The following ANKAR variants were observed in gnomAD, a reference collection of about 807,000 sequenced individuals.
ANKAR encodes the protein ankyrin and armadillo repeat-containing protein.
In ANKAR, 136 loss-of-function variants were observed where a neutral mutation model predicts 146.2. That is an observed-to-expected ratio of 0.93 (90% CI 0.81 to 1.07). The LOEUF is 1.07. Among genes scored for constraint, ANKAR ranks in the 50% least tolerant of loss-of-function variants. ANKAR has a pLI of 0.00. For synonymous variants in ANKAR, 500 were observed against 575.8 expected, an observed-to-expected ratio of 0.87 and a Z score of 1.88; for missense variants, 1,567 against 1,679.9, an observed-to-expected ratio of 0.93 and a Z score of 1.18.
rs748469653 is a variant in ANKAR, at chr2:189,695,177, CCA to C, written c.1488+19_1488+20del. ...GAAATGCAAGGTATTTCAGTGACTA[CCA>C]CATAATTTAGTATATGAAGTTATGT... is the stretch of plus-strand genomic sequence containing the variant. On this transcript the variant is annotated intron_variant, in intron 6 of 22. Coordinates refer to ENST00000684021, the MANE Select transcript of ANKAR (RefSeq NM_001378068.1). 4 of 1,569,502 alleles carry C rather than the reference CCA, an allele frequency of 2.5e-6. No individual in the cohort carries two copies. In the African/African-American group the frequency reaches 4.1e-5, roughly 16 times the overall value.
rs140152515 is a variant in ANKAR at position 189,733,116 on chromosome 2, G to T, written c.3310G>T (p.Ala1104Ser). ...HPSPNIKVEVAFSLACIVLGN... is the reference protein window; with the variant it reads ...HPSPNIKVEVSFSLACIVLGN... ...AAAACCACATGTTTAGGTTGAAGTG[G>T]CATTTTCCTTGGCATGCATTGTCCT... The change falls in exon 17 of 23, where the codon GCA becomes TCA. Residue 1104 changes from alanine (A) to serine (S), a missense_variant. By Grantham distance (99) the Ala-to-Ser change is moderately conservative (BLOSUM62 1). Coordinates refer to ENST00000684021, the MANE Select transcript of ANKAR (RefSeq NM_001378068.1). 2.5e-6 allele frequency: 4 copies of T among 1,601,326 alleles called. No individual in the cohort carries two copies. Among genetic ancestry groups the T allele is most frequent in the Non-Finnish European group, 3.4e-6 (4 of 1,175,996 alleles).
In ANKAR at chr2:189,733,135, T is replaced by C; in HGVS notation, c.3329T>C (p.Ile1110Thr). ...KVEVAFSLAC[I>T]VLGNDVLQKD... ...GAAGTGGCATTTTCCTTGGCATGCATTGTCCTAGGGAATGATGTGTTACAG... is the reference window on the plus strand; with the variant it reads ...GAAGTGGCATTTTCCTTGGCATGCACTGTCCTAGGGAATGATGTGTTACAG... Residue 1110 changes from isoleucine (I) to threonine (T), a missense_variant, in exon 17 of 23, where the codon ATT (isoleucine) becomes ACT (threonine). By Grantham distance (89) the Ile-to-Thr change is moderately conservative (BLOSUM62 -1). Coordinates refer to ENST00000684021, the MANE Select transcript of ANKAR (RefSeq NM_001378068.1). 2 of 1,610,328 alleles carry C rather than the reference T, an allele frequency of 1.2e-6. No homozygotes were observed. The highest frequency in any genetic ancestry group is 1.7e-6 in the Non-Finnish European group (2 of 1,178,460).
At position 189,715,828 on chromosome 2, in the gene ANKAR, C is replaced by A. The variant is rs562588077; in HGVS notation, c.2225-3744C>A. Among the ~76,000 whole-genome samples the A allele has an allele frequency of 8.7e-5, 13 of 149,704 alleles. No homozygotes were observed. The East Asian group carries it at 2.6e-3, about 30-fold the overall frequency. On this transcript the variant is annotated intron_variant, in intron 10 of 22. Coordinates refer to ENST00000684021, the MANE Select transcript of ANKAR (RefSeq NM_001378068.1). Reference sequence around the variant, plus strand: ...TAATCCATCACATAAACAGAACCAACGACAAAAACCACATGATTATCTCAA... The same window carrying A: ...TAATCCATCACATAAACAGAACCAAAGACAAAAACCACATGATTATCTCAA...
intron 18 of ANKAR, chr2:189,752,751 C>G: frequency 3.1e-6 from 5 of 1,613,580 alleles, no homozygotes; most frequent in Non-Finnish European, 4.2e-6. Flanking sequence ...AAAATAAAAT[C>G]AATAGCTCCA....
Position 189,736,499 on chromosome 2 carries a change from G to GGTTTTTTTTTTTTTTT in ANKAR, c.3424-1184_3424-1183insGTTTTTTTTTTTTTTT, listed in dbSNP as rs768463754. Among the ~76,000 whole-genome samples, 4 of 113,704 alleles carry GGTTTTTTTTTTTTTTT rather than the reference G, an allele frequency of 3.5e-5. No homozygotes were observed. In the South Asian group the frequency reaches 1.2e-3, roughly 34 times the overall value. The allele number at this position is 113,704 out of a possible 152,430, so 74.6% of individuals were successfully genotyped here. On this transcript the variant is annotated intron_variant, in intron 17 of 22. Coordinates refer to ENST00000684021, the MANE Select transcript of ANKAR (RefSeq NM_001378068.1). Reference sequence around the variant, plus strand: ...TCTTTTTGCCTATTTAGGTGACTGGGTTTTGTGTGTGTGTGTGTGTGTGTG... The same window carrying GGTTTTTTTTTTTTTTT: ...TCTTTTTGCCTATTTAGGTGACTGGGGTTTTTTTTTTTTTTTTTTTGTGTGTGTGTGTGTGTGTGTG...
intron 7 of ANKAR, among the ~76,000 whole-genome samples, chr2:189,698,605 T>G (rs1056594270): frequency 3.9e-5 from 6 of 152,254 alleles, no homozygotes; most frequent in African/African-American, 1.4e-4. Flanking sequence ...TCAGAAAGGC[T>G]TTTGTTTTAA....
intron 12 of ANKAR, 37 bp from the exon 13 acceptor site, chr2:189,727,819 T>G: frequency 6.3e-7 from 1 of 1,593,970 alleles, no homozygotes; most frequent in East Asian, 2.2e-5. Flanking sequence ...TTATTTTTCA[T>G]AAGGTTTATT....
chr2:189,675,496 G>A (rs2033439132), intron 1 of ANKAR, among the ~76,000 whole-genome samples: 1 of 151,910 alleles, frequency 6.6e-6, no homozygotes, highest in East Asian at 1.9e-4. Flanking sequence ...TTACAGGCAT[G>A]TACGACCACG....
intron 17 of ANKAR, among the ~76,000 whole-genome samples, chr2:189,735,828 T>C (rs1259659686): frequency 6.6e-6 from 1 of 152,262 alleles, no homozygotes; most frequent in African/African-American, 2.4e-5. Flanking sequence ...ATTTAGTTAC[T>C]GTTATTCTAC....
intron 4 of ANKAR, 95 bp from the exon 5 acceptor site, chr2:189,692,979 T>C: frequency 1.6e-6 from 1 of 607,970 alleles, no homozygotes; most frequent in Non-Finnish European, 2.7e-6. Flanking sequence ...ATTTAAAATT[T>C]GTCATTTACA....
At position 189,733,100 on chromosome 2, in the gene ANKAR, T is replaced by C; in HGVS notation, c.3301-7T>C. ...TGAAAAGTAATTTCTGAAAACCACA[T>C]GTTTAGGTTGAAGTGGCATTTTCCT... On this transcript the variant is annotated splice_polypyrimidine_tract_variant and splice_region_variant and intron_variant, in intron 16 of 22. Coordinates refer to ENST00000684021, the MANE Select transcript of ANKAR (RefSeq NM_001378068.1). 6.3e-7 allele frequency: 1 copy of C among 1,598,432 alleles called. No homozygotes were observed.
chr2:189,729,715 T>TGTGTGTGTGTGTGTGTGTGGGG (rs61101787), intron 15 of ANKAR, among the ~76,000 whole-genome samples: 1 of 141,398 alleles, frequency 7.1e-6, no homozygotes, highest in African/African-American at 2.5e-5. Flanking sequence ...TGTGTGTGTG[T>TGTGTGTGTGTGTGTGTGTGGGG]GGTGCGGGTG....
At position 189,677,059 on chromosome 2, in the gene ANKAR, A is replaced by G; in HGVS notation, c.569A>G (p.Asn190Ser). ...GATCCTGATGGAAAACCTCAAACAA[A>G]TAAAGACATTTTTTCAGAGTTTAGT... is the stretch of plus-strand genomic sequence containing the variant. Reference protein sequence around the residue: ...DIDPDGKPQTNKDIFSEFSSA... With the variant: ...DIDPDGKPQTSKDIFSEFSSA... Residue 190 changes from asparagine (N) to serine (S), a missense_variant, in exon 2 of 23, where the codon AAT becomes AGT. Coordinates refer to ENST00000684021, the MANE Select transcript of ANKAR (RefSeq NM_001378068.1). 1 of 1,575,830 alleles carries G rather than the reference A, an allele frequency of 6.3e-7. No individual in the cohort carries two copies. The highest frequency in any genetic ancestry group is 8.6e-7 in the Non-Finnish European group (1 of 1,166,938).
At chr2:189,758,110 T>C (rs1211430451) in intron 18 of ANKAR, among the ~76,000 whole-genome samples, 3 of 151,558 alleles carry the variant, frequency 2.0e-5, no homozygotes, top group Non-Finnish European at 2.9e-5. Context: ...GGGCCGGGAG[T>C]GGTGGTTCAC....
chr2:189,693,241 G>A lies in ANKAR; in HGVS notation c.1307+64G>A, dbSNP rs1055621944. The stretch of plus-strand genomic sequence containing the variant: ...TTTTTGCACGTTAGTAGAGAACAAA[G>A]AAAATGACAAAATGCAAAGGTTAAT... On this transcript the variant is annotated intron_variant, in intron 5 of 22. Coordinates refer to ENST00000684021, the MANE Select transcript of ANKAR (RefSeq NM_001378068.1). 3.9e-6 allele frequency: 4 copies of A among 1,026,220 alleles called. No individual in the cohort carries two copies. In the African/African-American group the frequency reaches 5.0e-5, roughly 13 times the overall value. The allele number at this position is 1,026,220 out of a possible 1,614,324, so 63.6% of individuals were successfully genotyped here.
intron 18 of ANKAR, among the ~76,000 whole-genome samples, chr2:189,756,062 A>G (rs1014463447): frequency 1.3e-5 from 2 of 152,220 alleles, no homozygotes; most frequent in African/African-American, 4.8e-5. Flanking sequence ...AAGGCATCAA[A>G]GTTTGTTCAG....
At chr2:189,713,449 G>A (rs1409425398) in intron 10 of ANKAR, among the ~76,000 whole-genome samples, 1 of 152,212 alleles carries the variant, frequency 6.6e-6, no homozygotes, top group Non-Finnish European at 1.5e-5. Flanking sequence ...CCAGAAGAGA[G>A]TGGGGGCCAA....
At chr2:189,733,866 T>TA (rs2042611991) in intron 17 of ANKAR, among the ~76,000 whole-genome samples, 1 of 151,926 alleles carries the variant, frequency 6.6e-6, no homozygotes, top group African/African-American at 2.4e-5. Flanking sequence ...CAGAATCTAA[T>TA]CGGGGTCTCA....
At chr2:189,739,113 C>T (rs189014884) in intron 19 of ANKAR, among the ~76,000 whole-genome samples, 2 of 152,288 alleles carry the variant, frequency 1.3e-5, no homozygotes, top group East Asian at 3.9e-4. Context: ...CGCTGTGCAA[C>T]AAAGCAAAGC....
Sources: allele counts gnomAD v4.1 joint callset (sites outside exome capture counted in the v4.1 genomes callset), GRCh38; gene constraint gnomAD v4.1.1; transcripts MANE v1.5; gene names NCBI Gene and HGNC (gene_info 2026-07-23, HGNC 2026-07-21).